The following ZBTB49 variants were observed in gnomAD, a reference collection of about 807,000 sequenced individuals.
ZBTB49 encodes the protein zinc finger and BTB domain containing 49, also known as zinc finger and BTB domain-containing protein 49.
ZBTB49 carries 43 observed loss-of-function variants against 57.5 expected under a neutral mutation model. The observed-to-expected ratio is 0.75, with a 90% CI of 0.59 to 0.97. The LOEUF is 0.97. Among genes scored for constraint, ZBTB49 ranks in the 50% least tolerant of loss-of-function variants. The pLI is 0.00. For synonymous variants in ZBTB49, 369 were observed against 362.1 expected (o/e 1.02, Z -0.22); for missense variants, 938 against 947.7 (o/e 0.99, Z 0.13).
intron 7 of ZBTB49, among the ~76,000 whole-genome samples, chr4:4,316,970 C>T (rs749443): frequency 6.6e-6 from 1 of 152,106 alleles, no homozygotes; most frequent in Non-Finnish European, 1.5e-5. Context: ...CCCAGGAGGC[C>T]GAGGCTGCAG....
intron 1 of ZBTB49, among the ~76,000 whole-genome samples, chr4:4,293,039 A>T (rs1373328196): frequency 6.6e-6 from 1 of 152,202 alleles, no homozygotes; most frequent in Non-Finnish European, 1.5e-5. Context: ...AGAACTAGGA[A>T]AAAACCTCTA....
intron 1 of ZBTB49, among the ~76,000 whole-genome samples, chr4:4,294,873 G>GTT (rs1553803060): frequency 9.2e-5 from 2 of 21,744 alleles, no homozygotes; most frequent in Non-Finnish European, 1.7e-4. Flanking sequence ...GGAGGGTTTC[G>GTT]TGTGTGTGTG....
At chr4:4,300,766 G>C (rs1157396452) in intron 2 of ZBTB49, among the ~76,000 whole-genome samples, 1 of 149,110 alleles carries the variant, frequency 6.7e-6, no homozygotes, top group Non-Finnish European at 1.5e-5. Context: ...GAGCAACAGA[G>C]GGAGACTCTG....
At chr4:4,292,190 A>AGAATCGCTT (rs1186707350) in intron 1 of ZBTB49, among the ~76,000 whole-genome samples, 15 of 152,332 alleles carry the variant, frequency 9.8e-5, no homozygotes, top group African/African-American at 3.4e-4. Context: ...CTGAGGCAGA[A>AGAATCGCTT]GAATCGCTTG....
chr4:4,302,941 T>A lies in ZBTB49; in HGVS notation c.1105T>A (p.Cys369Ser). ...AGTCGTCAGTTGTGAGAATTTTAAT[T>A]GCATTAGTGAGACGGAGAGGCCTGA... ...EEVVSCENFN[C>S]ISETERPEDP... Residue 369 changes from cysteine to serine, a missense_variant, in exon 3 of 8, where the codon TGC (cysteine) becomes AGC (serine). By Grantham distance (112) the Cys-to-Ser change is moderately radical. Transcript: ENST00000337872. 1 of 1,614,200 alleles carries A rather than the reference T, an allele frequency of 6.2e-7. No individual in the cohort carries two copies. Among genetic ancestry groups the A allele is most frequent in the Non-Finnish European group, 8.5e-7 (1 of 1,180,034 alleles).
intron 7 of ZBTB49, among the ~76,000 whole-genome samples, chr4:4,319,066 T>G (rs1401363798): frequency 1.3e-5 from 2 of 151,962 alleles, no homozygotes; most frequent in African/African-American, 4.8e-5. Context: ...ATTTTTATTT[T>G]ATTTTTTGTA....
chr4:4,321,435 T>A lies in ZBTB49; in HGVS notation c.*119T>A. The A allele has an allele frequency of 9.5e-7, 1 of 1,049,430 alleles. No homozygotes were observed. The highest frequency in any genetic ancestry group is 1.4e-6 in the Non-Finnish European group (1 of 724,002). The allele number at this position is 1,049,430 out of a possible 1,614,324, so 65.0% of individuals were successfully genotyped here. A position where few individuals can be genotyped will look rare whatever the true frequency, so the allele number is the denominator to read the frequency against. Reference sequence around the variant, plus strand: ...TCTAACTAGCCAGAGAATAGGTAGCTTCCCTCCTGATGATGGCTCATAATC... The same window carrying A: ...TCTAACTAGCCAGAGAATAGGTAGCATCCCTCCTGATGATGGCTCATAATC... On this transcript the variant is annotated 3_prime_UTR_variant, in exon 8 of 8. Transcript: ENST00000337872.
chr4:4,293,800 G>C (rs1483599202), intron 1 of ZBTB49, among the ~76,000 whole-genome samples: 1 of 152,224 alleles, frequency 6.6e-6, no homozygotes, highest in Non-Finnish European at 1.5e-5. Flanking sequence ...CATCTTACAG[G>C]TGGCTCAGGC....
Position 4,320,889 on chromosome 4 carries a change from C to A in ZBTB49, c.1871C>A (p.Thr624Lys), listed in dbSNP as rs140459733. 1 of 1,614,196 alleles carries A rather than the reference C, an allele frequency of 6.2e-7. No homozygotes were observed. The highest frequency in any genetic ancestry group is 1.3e-5 in the African/African-American group (1 of 75,066). ...SDSFSQDTSV[T>K]LMPVSVKLPV... ...TCTTTCTCCCAAGACACGTCTGTGA[C>A]GCTGATGCCAGTGTCGGTTAAACTC... Residue 624 changes from threonine to lysine, a missense_variant, in exon 8 of 8, where the codon ACG becomes AAG. Physicochemically the swap from Thr to Lys is moderately conservative, Grantham distance 78. This residue lies in a region of ZBTB49 where 835 missense variants were observed against 819.1 expected (regional missense o/e 1.02). Coordinates refer to ENST00000337872, the MANE Select transcript of ZBTB49 (RefSeq NM_145291.4).
At chr4:4,299,790 T>TGG in intron 1 of ZBTB49, 137 bp from the exon 2 acceptor site, 1 of 689,280 alleles carries the variant, frequency 1.5e-6, no homozygotes, top group East Asian at 2.8e-5. Context: ...TGTGTGTGTG[T>TGG]GTGTGTGTGT....
Position 4,294,872 on chromosome 4 carries a change from C to CGTGTATGTGT in ZBTB49, c.-20+4524_-20+4525insATGTGTGTGT, listed in dbSNP as rs1553803052. Among the ~76,000 whole-genome samples, 1,223 of 138,120 alleles carry CGTGTATGTGT rather than the reference C, an allele frequency of 8.9e-3. 15 individuals carry two copies. Among genetic ancestry groups the CGTGTATGTGT allele is most frequent in the African/African-American group, 0.017 (620 of 37,542 alleles). The allele number at this position is 138,120 out of a possible 152,430, so 90.6% of individuals were successfully genotyped here. A position where few individuals can be genotyped will look rare whatever the true frequency, so the allele number is the denominator to read the frequency against. ...TTAACAGGTCTGTGGAGGAGGGTTT[C>CGTGTATGTGT]GTGTGTGTGTGTGTGTGTGTGTGTG... On this transcript the variant is annotated intron_variant, in intron 1 of 7. Coordinates refer to ENST00000337872, the MANE Select transcript of ZBTB49 (RefSeq NM_145291.4).
chr4:4,296,519 C>G (rs1294611268), intron 1 of ZBTB49, among the ~76,000 whole-genome samples: 1 of 152,212 alleles, frequency 6.6e-6, no homozygotes, highest in African/African-American at 2.4e-5. Flanking sequence ...TAGGACATGA[C>G]TTGCTCCTCC....
At position 4,301,979 on chromosome 4, in the gene ZBTB49, C is replaced by G; in HGVS notation, c.153-10C>G. The G allele has an allele frequency of 6.6e-7, 1 of 1,504,288 alleles. No individual in the cohort carries two copies. The highest frequency in any genetic ancestry group is 2.3e-5 in the East Asian group (1 of 43,308). 93.2% of individuals were successfully genotyped at this position (1,504,288 alleles called of 1,614,324 possible). Reference sequence around the variant, plus strand: ...TTGGCACTGTAAACAGATATTCTTTCTTTTACCAGGAGCCTCTTTCAGAAT... The same window carrying G: ...TTGGCACTGTAAACAGATATTCTTTGTTTTACCAGGAGCCTCTTTCAGAAT... On this transcript the variant is annotated splice_polypyrimidine_tract_variant and intron_variant, in intron 2 of 7. Coordinates refer to ENST00000337872, the MANE Select transcript of ZBTB49 (RefSeq NM_145291.4).
At position 4,302,568 on chromosome 4, in the gene ZBTB49, C is replaced by T; in HGVS notation, c.732C>T (p.Ser244=). ...ERVVEQPFAF[S]TSTDLTTVES... ...TTGTTGAGCAGCCTTTTGCTTTCAG[C>T]ACCTCTACAGACCTTACCACGGTAG... Residue 244 remains serine (S), a synonymous_variant, in exon 3 of 8, where the codon AGC becomes AGT. Coordinates refer to ENST00000337872, the MANE Select transcript of ZBTB49 (RefSeq NM_145291.4). 7 of 1,614,026 alleles carry T rather than the reference C, an allele frequency of 4.3e-6. No homozygotes were observed. The highest frequency in any genetic ancestry group is 5.1e-6 in the Non-Finnish European group (6 of 1,179,964).
rs1392752869 is a variant in ZBTB49, at chr4:4,309,540, GT to G, written c.1302+3358del. On this transcript the variant is annotated intron_variant, in intron 4 of 7. Transcript: ENST00000337872. ...TGGGGAGAGGAGTAGGATTGCTTTT[GT>G]TCCTCCAAGTAGGCAGAAACAGAAA... Among the ~76,000 whole-genome samples the G allele has an allele frequency of 5.3e-5, 8 of 152,330 alleles. No individual in the cohort carries two copies. The East Asian group carries it at 1.5e-3, about 29-fold the overall frequency.
intron 2 of ZBTB49, among the ~76,000 whole-genome samples, chr4:4,300,782 T>TAAA (rs11445834): frequency 6.9e-6 from 1 of 144,946 alleles, no homozygotes. Context: ...CTCTGTCTCT[T>TAAA]AAAAAAAAAA....
At chr4:4,298,894 T>C (rs528762011) in intron 1 of ZBTB49, among the ~76,000 whole-genome samples, 33 of 152,346 alleles carry the variant, frequency 2.2e-4, no homozygotes, top group Admixed American at 1.3e-3. Flanking sequence ...TGTTTAGTCG[T>C]GCATCAGGCA....
At chr4:4,313,015 G>C in intron 4 of ZBTB49, 26 bp from the exon 5 acceptor site, 1 of 1,612,330 alleles carries the variant, frequency 6.2e-7, no homozygotes, top group Non-Finnish European at 8.5e-7. Flanking sequence ...CATTATTGGT[G>C]TGTTTTTCTT....
chr4:4,321,779 ATATAT>A (rs1721427856), exon 8 of ZBTB49: 2 of 174,192 alleles, frequency 1.1e-5, no homozygotes, highest in Admixed American at 1.2e-4. Flanking sequence ...AAACTTTTCT[ATATAT>A]TATATGTTTC....
Sources: allele counts gnomAD v4.1 joint callset (sites outside exome capture counted in the v4.1 genomes callset), GRCh38; gene constraint gnomAD v4.1.1; regional missense constraint gnomAD v4.1.1; transcripts MANE v1.5; gene names NCBI Gene and HGNC (gene_info 2026-07-23, HGNC 2026-07-21).